Variants in THYN1 observed in about 807,000 individuals in gnomAD.
THYN1 encodes thymocyte nuclear protein 1.
In THYN1, 32 loss-of-function variants were observed where a neutral mutation model predicts 30.6. The ratio of observed to expected loss-of-function variants is 1.05; its 90% confidence interval spans 0.79 to 1.40. The LOEUF is 1.40. Among genes scored for constraint, THYN1 ranks in the 40% most tolerant of loss-of-function variants. The probability of loss-of-function intolerance (pLI) is 0.00; values close to 1 mark genes in which losing one functional copy is unlikely to be tolerated. For missense variants in THYN1, 259 were observed against 272.6 expected (o/e 0.95, Z 0.35); for synonymous variants, 107 against 90.8 (o/e 1.18, Z -1.01).
chr11:134,251,258 A>G lies in THYN1; in HGVS notation c.94T>C (p.Leu32=), dbSNP rs1376047821. The G allele has an allele frequency of 5.0e-6, 8 of 1,614,120 alleles. No homozygotes were observed. Among genetic ancestry groups the G allele is most frequent in the Middle Eastern group, 1.6e-4 (1 of 6,062 alleles). ...RTKTENSGEA[L]AKVEDSNPQK... ...GGGTTGGAGTCCTCCACTTTAGCTA[A>G]TGCCTCACCTGAGTTCTCAGTTTTG... is the stretch of plus-strand genomic sequence containing the variant. Residue 32 remains leucine, a synonymous_variant, in exon 2 of 7, where the codon TTA becomes CTA. Transcript: ENST00000341541.
At chr11:134,250,848 ACT>A (rs1732791957) in intron 2 of THYN1, among the ~76,000 whole-genome samples, 1 of 151,968 alleles carries the variant, frequency 6.6e-6, no homozygotes, top group South Asian at 2.1e-4. Flanking sequence ...ATCTGTGGCC[ACT>A]CTCTTGCTAC....
rs768730737 is a variant in THYN1 at position 134,249,097 on chromosome 11, A to AG, written c.480+69dup. 4 of 1,557,322 alleles carry AG rather than the reference A, an allele frequency of 2.6e-6. No homozygotes were observed. The South Asian group carries it at 4.7e-5, about 18-fold the overall frequency. The stretch of plus-strand genomic sequence containing the variant: ...TGCTGGGCCGTGTACCTTGACCTAC[A>AG]GTCACCCCAACCGTCTTCTTCCCCT... On this transcript the variant is annotated intron_variant, in intron 5 of 6. Coordinates refer to ENST00000341541, the MANE Select transcript of THYN1 (RefSeq NM_014174.3).
chr11:134,253,329 C>T lies in THYN1; in HGVS notation c.-447G>A. Reference sequence around the variant, plus strand: ...ACTCTGCAGACTCGACTGCGGTCCGCCTCCGCTGCGCCGCAGGCTGTGCAG... The same window carrying T: ...ACTCTGCAGACTCGACTGCGGTCCGTCTCCGCTGCGCCGCAGGCTGTGCAG... On this transcript the variant is annotated 5_prime_UTR_variant, in exon 1 of 7. Coordinates refer to ENST00000341541, the MANE Select transcript of THYN1 (RefSeq NM_014174.3). 8.5e-6 allele frequency: 12 copies of T among 1,403,852 alleles called. No homozygotes were observed. Among genetic ancestry groups the T allele is most frequent in the Non-Finnish European group, 1.0e-5 (11 of 1,080,456 alleles). 87.0% of individuals were successfully genotyped at this position (1,403,852 alleles called of 1,614,324 possible).
chr11:134,251,587 TC>T (rs1939056749), intron 1 of THYN1: 2 of 331,416 alleles, frequency 6.0e-6, no homozygotes. Flanking sequence ...ATACATGTTT[TC>T]CTTTCCTCAC....
rs3741103 is a variant in THYN1, at chr11:134,251,244, C to T, written c.108G>A (p.Glu36=). The T allele has an allele frequency of 1.2e-6, 2 of 1,614,166 alleles. No individual in the cohort carries two copies. Among genetic ancestry groups the T allele is most frequent in the South Asian group, 2.2e-5 (2 of 91,082 alleles). Residue 36 remains glutamate, a synonymous_variant, in exon 2 of 7, where the codon GAG becomes GAA. Coordinates refer to ENST00000341541, the MANE Select transcript of THYN1 (RefSeq NM_014174.3). ...ENSGEALAKV[E]DSNPQKTSAT... ...CTGAAGTCTTCTGAGGGTTGGAGTC[C>T]TCCACTTTAGCTAATGCCTCACCTG...
At chr11:134,249,400 G>A in intron 4 of THYN1, 138 bp from the exon 5 acceptor site, 1 of 760,902 alleles carries the variant, frequency 1.3e-6, no homozygotes, top group African/African-American at 1.8e-5. Context: ...TGGGGGCTCA[G>A]ATATTTGGAA....
intron 2 of THYN1, among the ~76,000 whole-genome samples, chr11:134,250,818 GC>G (rs1939012811): frequency 6.6e-6 from 1 of 152,076 alleles, no homozygotes; most frequent in Admixed American, 6.5e-5. Flanking sequence ...CTTGAACACA[GC>G]CACAGCTGTT....
chr11:134,250,268 C>G lies in THYN1; in HGVS notation c.291+7G>C, dbSNP rs1175154149. 38 of 1,614,006 alleles carry G rather than the reference C, an allele frequency of 2.4e-5. No individual in the cohort carries two copies. The highest frequency in any genetic ancestry group is 3.2e-5 in the Non-Finnish European group (38 of 1,179,982). On this transcript the variant is annotated splice_region_variant and intron_variant, in intron 3 of 6. Coordinates refer to ENST00000341541, the MANE Select transcript of THYN1 (RefSeq NM_014174.3). ...GGTCTCAGGCGACCTCCTCCTTACCCTCTTACCTGGTAGTTACGAACACCA... is the reference window on the plus strand; with the variant it reads ...GGTCTCAGGCGACCTCCTCCTTACCGTCTTACCTGGTAGTTACGAACACCA...
At chr11:134,249,768 T>G in intron 4 of THYN1, 60 bp downstream of exon 4, 1 of 1,523,572 alleles carries the variant, frequency 6.6e-7, no homozygotes, top group Non-Finnish European at 9.1e-7. Context: ...TCCCTTTATA[T>G]CTACTTAAGT....
At chr11:134,249,572 T>C (rs560005134) in intron 4 of THYN1, among the ~76,000 whole-genome samples, 1 of 152,296 alleles carries the variant, frequency 6.6e-6, no homozygotes, top group Non-Finnish European at 1.5e-5. Flanking sequence ...GGAGGAGCTA[T>C]CATCAGGCCT....
intron 5 of THYN1, 34 bp downstream of exon 5, chr11:134,249,133 T>C (rs1254605436): frequency 6.3e-7 from 1 of 1,595,856 alleles, no homozygotes; most frequent in Admixed American, 1.7e-5. Flanking sequence ...GGTTCATCCT[T>C]CCCCTGTCAT....
At chr11:134,251,585 T>G (rs1450882072) in intron 1 of THYN1, 3 of 332,474 alleles carry the variant, frequency 9.0e-6, no homozygotes, top group African/African-American at 6.4e-5. Context: ...CAATACATGT[T>G]TTCCTTTCCT....
In THYN1 at chr11:134,249,194, G is replaced by A; in HGVS notation, c.453C>T (p.Ser151=). Residue 151 remains serine (S), a synonymous_variant, in exon 5 of 7, where the codon AGC becomes AGT. Coordinates refer to ENST00000341541, the MANE Select transcript of THYN1 (RefSeq NM_014174.3). ...TGGACCACTTAGGGTTGTCCTCTTTGCTAGATGGGTCATAATGGGGATTGT... is the reference window on the plus strand; with the variant it reads ...TGGACCACTTAGGGTTGTCCTCTTTACTAGATGGGTCATAATGGGGATTGT... ...EKNNPHYDPS[S]KEDNPKWSMV... is the part of the protein sequence containing the mutation. The A allele has an allele frequency of 6.2e-7, 1 of 1,614,056 alleles. No individual in the cohort carries two copies. Among genetic ancestry groups the A allele is most frequent in the South Asian group, 1.1e-5 (1 of 91,050 alleles).
chr11:134,251,573 G>A (rs1939054133), intron 1 of THYN1: 1 of 363,386 alleles, frequency 2.8e-6, no homozygotes, highest in African/African-American at 2.1e-5. Flanking sequence ...CCGGACAGTA[G>A]TCAATACATG....
rs542710089 is a variant in THYN1 at position 134,248,929 on chromosome 11, G to A, written c.511C>T (p.Arg171Cys). The change falls in exon 6 of 7, where the codon CGT (arginine) becomes TGT (cysteine). Residue 171 changes from arginine (R) to cysteine (C), a missense_variant. Coordinates refer to ENST00000341541, the MANE Select transcript of THYN1 (RefSeq NM_014174.3). ...VDVQFVRMMK[R>C]FIPLAELKSY... Reference sequence around the variant, plus strand: ...TTGAGCTCAGCCAGGGGAATGAAACGTTTCATCATCCGAACAAACTGTACA... The same window carrying A: ...TTGAGCTCAGCCAGGGGAATGAAACATTTCATCATCCGAACAAACTGTACA... 13 of 1,614,202 alleles carry A rather than the reference G, an allele frequency of 8.1e-6. No individual in the cohort carries two copies. The East Asian group carries it at 8.9e-5, about 11-fold the overall frequency.
chr11:134,250,205 G>A (rs1394987470), intron 3 of THYN1, 70 bp downstream of exon 3: 7 of 1,555,992 alleles, frequency 4.5e-6, no homozygotes, highest in African/African-American at 1.4e-5. Context: ...CTGCTACTGA[G>A]TACGTCATGA....
In THYN1 at chr11:134,252,945, T is replaced by G. The variant is rs546658949; in HGVS notation, c.-63A>C. 2 of 1,519,644 alleles carry G rather than the reference T, an allele frequency of 1.3e-6. No homozygotes were observed. The highest frequency in any genetic ancestry group is 2.4e-5 in the East Asian group (1 of 41,434). 94.1% of individuals were successfully genotyped at this position (1,519,644 alleles called of 1,614,324 possible). A position where few individuals can be genotyped will look rare whatever the true frequency, so the allele number is the denominator to read the frequency against. On this transcript the variant is annotated 5_prime_UTR_variant, in exon 1 of 7. Transcript: ENST00000341541. The stretch of plus-strand genomic sequence containing the variant: ...GAATCAACGGAGATACAAGAAAGAA[T>G]GCTAATGTCCTCCAAAACCCGCGCA...
rs766007304 is a variant in THYN1 at position 134,248,323 on chromosome 11, C to T, written c.*115G>A. The T allele has an allele frequency of 4.2e-6, 5 of 1,186,162 alleles. No individual in the cohort carries two copies. Among genetic ancestry groups the T allele is most frequent in the Non-Finnish European group, 6.3e-6 (5 of 789,610 alleles). 73.5% of individuals were successfully genotyped at this position (1,186,162 alleles called of 1,614,324 possible). The stretch of plus-strand genomic sequence containing the variant: ...TATTGAAAAAAGTACACAAAAACCA[C>T]TGAGGTACACAAGCCCAGGTAAGCA... On this transcript the variant is annotated 3_prime_UTR_variant, in exon 7 of 7. Transcript: ENST00000341541.
chr11:134,248,521 T>G, intron 6 of THYN1, 37 bp from the exon 7 acceptor site: 2 of 1,612,220 alleles, frequency 1.2e-6, no homozygotes, highest in Non-Finnish European at 1.7e-6. Context: ...GGATTAGTTT[T>G]TAATGTCCCC....
Sources: allele counts gnomAD v4.1 joint callset (sites outside exome capture counted in the v4.1 genomes callset), GRCh38; gene constraint gnomAD v4.1.1; transcripts MANE v1.5; gene names NCBI Gene and HGNC (gene_info 2026-07-23, HGNC 2026-07-21).